The following C1orf21 variants were observed in gnomAD, a reference collection of about 807,000 sequenced individuals.
C1orf21 encodes uncharacterized protein C1orf21.
Under a neutral mutation model 18.7 loss-of-function variants are expected in C1orf21, and 3 were observed. The observed-to-expected ratio is 0.16, with a 90% CI of 0.07 to 0.42. C1orf21 has a LOEUF of 0.42. Among genes scored for constraint, C1orf21 ranks in the 10% least tolerant of loss-of-function variants. The pLI is 0.99. For synonymous variants in C1orf21, 41 were observed against 46.4 expected, an observed-to-expected ratio of 0.88 and a Z score of 0.47; for missense variants, 104 against 143.6, an observed-to-expected ratio of 0.72 and a Z score of 1.41.
At chr1:184,438,723 G>A (rs752585471) in intron 1 of C1orf21, among the ~76,000 whole-genome samples, 1 of 152,166 alleles carries the variant, frequency 6.6e-6, no homozygotes, top group Non-Finnish European at 1.5e-5. Flanking sequence ...GGTAGGAGCT[G>A]TGTTTTGGTC....
At chr1:184,427,934 C>A (rs930875117) in intron 1 of C1orf21, among the ~76,000 whole-genome samples, 1 of 152,150 alleles carries the variant, frequency 6.6e-6, no homozygotes, top group Non-Finnish European at 1.5e-5. Context: ...GGCCTTATGT[C>A]CACTGGACTC....
intron 1 of C1orf21, among the ~76,000 whole-genome samples, chr1:184,441,081 T>C (rs1656936581): frequency 6.6e-6 from 1 of 152,232 alleles, no homozygotes; most frequent in South Asian, 2.1e-4. Context: ...CTTAAAATTC[T>C]AAGTCTTCTG....
chr1:184,394,875 G>A (rs926003325), intron 1 of C1orf21, among the ~76,000 whole-genome samples: 2 of 152,200 alleles, frequency 1.3e-5, no homozygotes, highest in South Asian at 4.1e-4. Context: ...GAGTTGCTTA[G>A]TAGTTGCTGA....
intron 2 of C1orf21, among the ~76,000 whole-genome samples, chr1:184,487,970 C>T (rs572941127): frequency 3.0e-4 from 46 of 152,286 alleles, no homozygotes; most frequent in African/African-American, 8.9e-4. Flanking sequence ...CCTGCAGTTG[C>T]GCAGACCTCT....
intron 1 of C1orf21, among the ~76,000 whole-genome samples, chr1:184,449,743 G>A (rs1032469895): frequency 3.3e-5 from 5 of 152,162 alleles, no homozygotes; most frequent in Non-Finnish European, 7.3e-5. Flanking sequence ...GATACATACA[G>A]TACCAGTCAA....
At chr1:184,610,945 T>C (rs557544843) in intron 5 of C1orf21, among the ~76,000 whole-genome samples, 3 of 152,264 alleles carry the variant, frequency 2.0e-5, no homozygotes, top group South Asian at 2.1e-4. Flanking sequence ...CGAAGCTGTT[T>C]AGTTAATACT....
At chr1:184,615,270 G>A (rs942783628) in intron 5 of C1orf21, among the ~76,000 whole-genome samples, 1 of 152,210 alleles carries the variant, frequency 6.6e-6, no homozygotes, top group Non-Finnish European at 1.5e-5. Flanking sequence ...AGAGTAGGGT[G>A]TGGTCGGAAA....
At chr1:184,495,701 C>T (rs1657883405) in intron 2 of C1orf21, among the ~76,000 whole-genome samples, 1 of 151,758 alleles carries the variant, frequency 6.6e-6, no homozygotes, top group African/African-American at 2.4e-5. Context: ...GCGGGTGGAT[C>T]GTGAGGTCAG....
intron 1 of C1orf21, among the ~76,000 whole-genome samples, chr1:184,391,223 A>G (rs912110134): frequency 6.6e-6 from 1 of 152,228 alleles, no homozygotes; most frequent in African/African-American, 2.4e-5. Flanking sequence ...AGCACACAAC[A>G]GTGTCTCCAG....
At chr1:184,396,272 TG>T (rs1203390097) in intron 1 of C1orf21, among the ~76,000 whole-genome samples, 1 of 152,114 alleles carries the variant, frequency 6.6e-6, no homozygotes, top group Non-Finnish European at 1.5e-5. Flanking sequence ...CTATTGAGTA[TG>T]GGTAAGAGAC....
At chr1:184,410,860 C>T (rs1162590912) in intron 1 of C1orf21, among the ~76,000 whole-genome samples, 1 of 148,300 alleles carries the variant, frequency 6.7e-6, no homozygotes, top group Non-Finnish European at 1.5e-5. Flanking sequence ...CCACGTTGTC[C>T]AGGCTGGTCT....
chr1:184,523,155 A>G (rs1270586073), intron 3 of C1orf21, among the ~76,000 whole-genome samples: 3 of 152,202 alleles, frequency 2.0e-5, no homozygotes, highest in Non-Finnish European at 4.4e-5. Context: ...TTACTTCTCA[A>G]TTAGTAAATG....
chr1:184,492,550 G>A (rs761873085), intron 2 of C1orf21, among the ~76,000 whole-genome samples: 1 of 152,222 alleles, frequency 6.6e-6, no homozygotes, highest in Non-Finnish European at 1.5e-5. Context: ...TAATTGCATT[G>A]TGATATTTAC....
At chr1:184,434,230 G>C (rs1460462427) in intron 1 of C1orf21, among the ~76,000 whole-genome samples, 1 of 152,018 alleles carries the variant, frequency 6.6e-6, no homozygotes, top group African/African-American at 2.4e-5. Flanking sequence ...TATGAGTGTG[G>C]CTAAGGCTAA....
At chr1:184,501,592 C>G (rs745730429) in intron 2 of C1orf21, among the ~76,000 whole-genome samples, 11 of 152,214 alleles carry the variant, frequency 7.2e-5, no homozygotes, top group Non-Finnish European at 1.5e-4. Flanking sequence ...TCCTTTAGAA[C>G]AGGGACTGAC....
At chr1:184,515,128 A>C (rs758362599) in intron 3 of C1orf21, among the ~76,000 whole-genome samples, 5 of 152,236 alleles carry the variant, frequency 3.3e-5, no homozygotes, top group African/African-American at 4.8e-5. Flanking sequence ...ACCTCCTGGC[A>C]TAGAAGATGC....
intron 1 of C1orf21, among the ~76,000 whole-genome samples, chr1:184,442,042 C>T (rs1656957011): frequency 6.6e-6 from 1 of 152,144 alleles, no homozygotes; most frequent in Non-Finnish European, 1.5e-5. Flanking sequence ...AAAAGAAACT[C>T]GATTCAAATC....
chr1:184,430,059 C>T lies in C1orf21; in HGVS notation c.-125+42691C>T, dbSNP rs189749619. Among the ~76,000 whole-genome samples the T allele has an allele frequency of 2.1e-3, 321 of 150,202 alleles. 2 individuals are homozygous for T. Among genetic ancestry groups the T allele is most frequent in the African/African-American group, 7.6e-3 (309 of 40,608 alleles). ...CCCGGGAGGTGGAGCTTGCAGTGAG[C>T]CGAGATCACCCCACTGCACTCCAGC... On this transcript the variant is annotated intron_variant, in intron 1 of 5. Transcript: ENST00000235307.
At chr1:184,567,579 A>G (rs1052815652) in intron 3 of C1orf21, 5 of 471,918 alleles carry the variant, frequency 1.1e-5, no homozygotes, top group African/African-American at 9.9e-5. Context: ...GATCAGCTAC[A>G]TCGCAGGTCC....
Sources: allele counts gnomAD v4.1 joint callset (sites outside exome capture counted in the v4.1 genomes callset), GRCh38; gene constraint gnomAD v4.1.1; transcripts MANE v1.5; gene names NCBI Gene and HGNC (gene_info 2026-07-23, HGNC 2026-07-21).